IQSEC1: variants seen among roughly 807,000 people sequenced by gnomAD.
IQSEC1 encodes IQ motif and Sec7 domain ArfGEF 1.
IQSEC1 carries 31 observed loss-of-function variants against 91.0 expected under a neutral mutation model. That is an observed-to-expected ratio of 0.34 (90% confidence interval 0.26 to 0.46). The LOEUF (loss-of-function observed/expected upper bound fraction) is 0.46, where lower values mean the gene tolerates loss of function less well. Ranked by LOEUF, IQSEC1 falls within the 20% of genes least tolerant of loss-of-function variation. The probability of loss-of-function intolerance (pLI) is 1.00; values close to 1 mark genes in which losing one functional copy is unlikely to be tolerated. For synonymous variants in IQSEC1, 699 were observed against 662.6 expected, an observed-to-expected ratio of 1.05 and a Z score of -0.84; for missense variants, 1,388 against 1,575.6, an observed-to-expected ratio of 0.88 and a Z score of 2.02.
At chr3:13,038,260 GTGTATATATATATATA>G (rs1559734923) in intron 1 of IQSEC1, among the ~76,000 whole-genome samples, 1 of 62,360 alleles carries the variant, frequency 1.6e-5, no homozygotes, top group Non-Finnish European at 3.1e-5. Flanking sequence ...GTGTGTGTGT[GTGTATATATATATATA>G]TATATATATA....
chr3:12,960,107 A>G (rs192769365), intron 1 of IQSEC1, among the ~76,000 whole-genome samples: 8 of 152,284 alleles, frequency 5.3e-5, no homozygotes, highest in Admixed American at 2.0e-4. Context: ...CTGCAATGGT[A>G]TAACGATGAC....
rs1375720923 is a variant in IQSEC1 at position 12,979,456 on chromosome 3, A to G, written c.24-37591T>C. ...CTACATGAAAAAGGTAAGCTGAAGA[A>G]TGCTGGATTTGGGTTACAAAAAAGG... On this transcript the variant is annotated intron_variant, in intron 1 of 13. Transcript: ENST00000613206. This position sits in a 1 kb window ranked among gnomAD's most constrained non-coding sequence, Gnocchi z 4.3. Among the ~76,000 whole-genome samples the G allele has an allele frequency of 6.6e-6, 1 of 152,202 alleles. No individual in the cohort carries two copies. Among genetic ancestry groups the G allele is most frequent in the Non-Finnish European group, 1.5e-5 (1 of 68,030 alleles).
intron 1 of IQSEC1, among the ~76,000 whole-genome samples, chr3:13,264,528 G>A (rs579179): frequency 0.54 from 81,918 of 151,756 alleles, 22,936 homozygotes; most frequent in East Asian, 0.94. Context: ...ACAGGTGCCC[G>A]GCACCCCCTC....
intron 2 of IQSEC1, among the ~76,000 whole-genome samples, chr3:13,149,939 T>C (rs896561021): frequency 5.9e-5 from 9 of 152,210 alleles, no homozygotes; most frequent in African/African-American, 1.2e-4. Flanking sequence ...AGGCTATTGA[T>C]GGTCTCAGTG....
chr3:13,229,375 G>A (rs1406662969), intron 1 of IQSEC1, among the ~76,000 whole-genome samples: 2 of 152,194 alleles, frequency 1.3e-5, no homozygotes, highest in African/African-American at 4.8e-5. Context: ...TGAGTGTACA[G>A]GGGTCCAGGC....
intron 2 of IQSEC1, among the ~76,000 whole-genome samples, chr3:12,938,654 C>G (rs1698457592): frequency 6.6e-6 from 1 of 152,114 alleles, no homozygotes; most frequent in South Asian, 2.1e-4. Context: ...ATAAGAGGCC[C>G]AAGGCTGGGA....
At chr3:13,131,063 A>G (rs201195660) in intron 2 of IQSEC1, among the ~76,000 whole-genome samples, 2 of 150,802 alleles carry the variant, frequency 1.3e-5, no homozygotes, top group Admixed American at 6.6e-5. Flanking sequence ...GAAGGAAGGA[A>G]GGAGGGAGGG....
At chr3:13,037,435 A>G (rs1035354372) in intron 1 of IQSEC1, among the ~76,000 whole-genome samples, 1 of 152,236 alleles carries the variant, frequency 6.6e-6, no homozygotes, top group Non-Finnish European at 1.5e-5. Flanking sequence ...GGGCATGGCT[A>G]TACCATGAAA....
chr3:13,192,919 C>G (rs1694061867), intron 1 of IQSEC1, among the ~76,000 whole-genome samples: 1 of 152,242 alleles, frequency 6.6e-6, no homozygotes, highest in South Asian at 2.1e-4. Context: ...AGCAACACCT[C>G]CCCTGAGGCC....
intron 2 of IQSEC1, among the ~76,000 whole-genome samples, chr3:13,094,441 A>G (rs911721517): frequency 6.6e-6 from 1 of 152,128 alleles, no homozygotes; most frequent in Non-Finnish European, 1.5e-5. Context: ...TCCCCCAATC[A>G]TATACAAAAC....
intron 1 of IQSEC1, among the ~76,000 whole-genome samples, chr3:12,955,161 G>A (rs1016263117): frequency 4.6e-5 from 7 of 152,256 alleles, no homozygotes; most frequent in Admixed American, 1.3e-4. Context: ...TTTCTCCACC[G>A]TACAGACACA....
chr3:13,264,683 C>T (rs888448387), intron 1 of IQSEC1, among the ~76,000 whole-genome samples: 4 of 152,110 alleles, frequency 2.6e-5, no homozygotes, highest in East Asian at 1.9e-4. Flanking sequence ...AATGGGTGAA[C>T]GAATCAATCA....
chr3:12,982,137 C>T (rs1701493340), intron 1 of IQSEC1, among the ~76,000 whole-genome samples: 1 of 152,188 alleles, frequency 6.6e-6, no homozygotes, highest in South Asian at 2.1e-4. Flanking sequence ...AGGTTAAGCA[C>T]TGTTCTGCCA....
intron 1 of IQSEC1, among the ~76,000 whole-genome samples, chr3:12,947,505 A>C (rs1209773646): frequency 6.6e-6 from 1 of 150,938 alleles, no homozygotes; most frequent in Non-Finnish European, 1.5e-5. Flanking sequence ...TGTGCAGTCC[A>C]TCTGCACCAT....
intron 1 of IQSEC1, among the ~76,000 whole-genome samples, chr3:12,997,655 C>T (rs1702273987): frequency 6.6e-6 from 1 of 152,206 alleles, no homozygotes; most frequent in African/African-American, 2.4e-5. Context: ...CAAACCTGTT[C>T]AGCATATGAC....
intron 1 of IQSEC1, among the ~76,000 whole-genome samples, chr3:13,196,055 G>C (rs1018849553): frequency 6.6e-6 from 1 of 152,168 alleles, no homozygotes; most frequent in South Asian, 2.1e-4. Context: ...TTTTACAAAA[G>C]AGGCAATACA....
Position 12,924,535 on chromosome 3 carries a change from G to T in IQSEC1, c.1730+46C>A. 1 of 1,537,506 alleles carries T rather than the reference G, an allele frequency of 6.5e-7. No individual in the cohort carries two copies. The highest frequency in any genetic ancestry group is 8.8e-7 in the Non-Finnish European group (1 of 1,133,052). On this transcript the variant is annotated intron_variant, in intron 4 of 13. Transcript: ENST00000613206. The surrounding 1 kb of genome is among the most constrained non-coding windows in gnomAD (Gnocchi z 6.3). ...CCACGGGTAACACAGGGTGCGTGAG[G>T]GCGTGTGTGGAATCAGGTCCCCCAC...
intron 1 of IQSEC1, among the ~76,000 whole-genome samples, chr3:13,239,175 G>A (rs919870986): frequency 6.6e-6 from 1 of 152,224 alleles, no homozygotes; most frequent in African/African-American, 2.4e-5. Flanking sequence ...ACTGGAAGCC[G>A]GCTGCCCAGG....
intron 1 of IQSEC1, among the ~76,000 whole-genome samples, chr3:13,264,418 TG>T (rs1405271938): frequency 6.6e-6 from 1 of 152,166 alleles, no homozygotes; most frequent in Non-Finnish European, 1.5e-5. Context: ...CCTGCTCTCC[TG>T]GGTCTCGGTC....
Sources: gnomAD v4.1 joint callset for allele counts (sites outside exome capture counted in the v4.1 genomes callset) on GRCh38, gnomAD v4.1.1 for gene constraint, Gnocchi (gnomAD v3.1) non-coding constraint, MANE v1.5 for transcripts, NCBI Gene and HGNC (gene_info 2026-07-23, HGNC 2026-07-21) for gene names.